GRID2: variants seen among roughly 807,000 people sequenced by gnomAD.
The protein encoded by GRID2 is glutamate ionotropic receptor delta type subunit 2.
In GRID2, 33 loss-of-function variants were observed where a neutral mutation model predicts 114.8. That is an observed-to-expected ratio of 0.29 (90% CI 0.22 to 0.38). The LOEUF (loss-of-function observed/expected upper bound fraction) is 0.38. Ranked by LOEUF, GRID2 falls within the 10% of genes least tolerant of loss-of-function variation. The probability of loss-of-function intolerance (pLI) is 1.00; values close to 1 mark genes in which losing one functional copy is unlikely to be tolerated. For missense variants in GRID2, 1,184 were observed against 1,257.7 expected, an observed-to-expected ratio of 0.94 and a Z score of 0.89; for synonymous variants, 505 against 449.9, an observed-to-expected ratio of 1.12 and a Z score of -1.55.
chr4:93,517,943 ACATACATG>A (rs1560705989), intron 13 of GRID2, among the ~76,000 whole-genome samples: 10 of 37,952 alleles, frequency 2.6e-4, no homozygotes, highest in East Asian at 1.7e-3. Context: ...GTATGTATAT[ACATACATG>A]TATATGTATG....
At chr4:92,639,163 T>C (rs911837329) in intron 2 of GRID2, among the ~76,000 whole-genome samples, 6 of 151,736 alleles carry the variant, frequency 4.0e-5, no homozygotes, top group African/African-American at 1.4e-4. Context: ...TTATTTGTTA[T>C]ACTTTAAAAG....
intron 2 of GRID2, among the ~76,000 whole-genome samples, chr4:92,645,016 G>A (rs561375216): frequency 6.6e-6 from 1 of 151,114 alleles, no homozygotes; most frequent in African/African-American, 2.4e-5. Context: ...AAATATTTTA[G>A]ATCTAGCTTC....
chr4:93,772,400 A>G lies in GRID2; in HGVS notation c.2926A>G (p.Arg976Gly). 6.2e-7 allele frequency: 1 copy of G among 1,613,886 alleles called. No homozygotes were observed. Among genetic ancestry groups the G allele is most frequent in the Non-Finnish European group, 8.5e-7 (1 of 1,179,838 alleles). The change falls in exon 16 of 16, where the codon AGG becomes GGG. Residue 976 changes from arginine (R) to glycine (G), a missense_variant. Transcript: ENST00000282020. The part of the protein sequence containing the change: ...RHRAPNGGFF[R>G]SPIKTMSSIP... ...CAGGGCACCTAATGGGGGCTTTTTCAGGAGTCCTATAAAAACAATGTCATC... is the reference window on the plus strand; with the variant it reads ...CAGGGCACCTAATGGGGGCTTTTTCGGGAGTCCTATAAAAACAATGTCATC...
At chr4:93,359,156 C>G (rs1761631673) in intron 8 of GRID2, among the ~76,000 whole-genome samples, 1 of 152,108 alleles carries the variant, frequency 6.6e-6, no homozygotes. Context: ...AAATGTGTCT[C>G]TGACATCCTT....
intron 2 of GRID2, among the ~76,000 whole-genome samples, chr4:92,658,880 A>G (rs1446116763): frequency 7.3e-6 from 1 of 136,410 alleles, no homozygotes; most frequent in Non-Finnish European, 1.6e-5. Flanking sequence ...ATGTGTATAT[A>G]TATATTTATG....
intron 2 of GRID2, among the ~76,000 whole-genome samples, chr4:92,891,368 C>A (rs867265378): frequency 2.0e-5 from 3 of 152,168 alleles, no homozygotes; most frequent in African/African-American, 2.4e-5. Flanking sequence ...ACTAAAGATA[C>A]AAAAGAAATA....
At chr4:92,680,197 G>GT (rs1010202178) in intron 2 of GRID2, among the ~76,000 whole-genome samples, 9 of 151,994 alleles carry the variant, frequency 5.9e-5, no homozygotes, top group Non-Finnish European at 8.8e-5. Flanking sequence ...TTTAGTGTAA[G>GT]TTTTTTTACC....
intron 1 of GRID2, among the ~76,000 whole-genome samples, chr4:92,471,907 TG>T (rs1343508583): frequency 6.7e-6 from 1 of 150,372 alleles, no homozygotes; most frequent in Admixed American, 6.7e-5. Context: ...CATACTTATT[TG>T]GGGATTTATC....
At chr4:92,946,075 C>G (rs904174439) in intron 2 of GRID2, among the ~76,000 whole-genome samples, 2 of 152,048 alleles carry the variant, frequency 1.3e-5, no homozygotes, top group African/African-American at 4.8e-5. Flanking sequence ...CCGTTTAGGT[C>G]TCATATGAGG....
At chr4:92,381,558 A>G (rs1484107133) in intron 1 of GRID2, among the ~76,000 whole-genome samples, 1 of 151,882 alleles carries the variant, frequency 6.6e-6, no homozygotes, top group Non-Finnish European at 1.5e-5. Flanking sequence ...GGACCCTACT[A>G]ATGTCACTTG....
chr4:92,467,617 C>G (rs1721820076), intron 1 of GRID2, among the ~76,000 whole-genome samples: 2 of 151,926 alleles, frequency 1.3e-5, no homozygotes, highest in African/African-American at 4.8e-5. Context: ...GTTTGTGCAT[C>G]TAGAACAGGG....
chr4:92,881,697 A>G (rs1746029220), intron 2 of GRID2, among the ~76,000 whole-genome samples: 2 of 152,290 alleles, frequency 1.3e-5, no homozygotes, highest in Admixed American at 6.5e-5. Context: ...GGTAGAAAAC[A>G]TTACTTTTTA....
chr4:93,684,640 C>T (rs966645553), intron 14 of GRID2, among the ~76,000 whole-genome samples: 5 of 151,938 alleles, frequency 3.3e-5, no homozygotes, highest in Admixed American at 6.6e-5. Context: ...TAAGAAACAT[C>T]GAGGGTACAG....
chr4:93,188,704 T>C (rs1740676723), intron 4 of GRID2, among the ~76,000 whole-genome samples: 1 of 152,218 alleles, frequency 6.6e-6, no homozygotes, highest in Non-Finnish European at 1.5e-5. Flanking sequence ...TTCTTTAATT[T>C]GTTTCTCTCT....
rs115360903 is a variant in GRID2 at position 93,142,778 on chromosome 4, C to G, written c.735+31825C>G. ...GGTTTCTAAACAACGACTGTGGTTG[C>G]CACATGTGTATCAAGAACTGTGAAG... On this transcript the variant is annotated intron_variant, in intron 4 of 15. Coordinates refer to ENST00000282020, the MANE Select transcript of GRID2 (RefSeq NM_001510.4). 7.9e-3 allele frequency among the ~76,000 whole-genome samples: 1,198 copies of G among 152,254 alleles called. 15 individuals carry two copies. Among genetic ancestry groups the G allele is most frequent in the African/African-American group, 0.027 (1,138 of 41,536 alleles).
chr4:92,909,283 T>C (rs1241721982), intron 2 of GRID2, among the ~76,000 whole-genome samples: 1 of 151,420 alleles, frequency 6.6e-6, no homozygotes, highest in African/African-American at 2.4e-5. Flanking sequence ...TTTCAAGAAA[T>C]GCTTTAGCAA....
At position 92,497,373 on chromosome 4, in the gene GRID2, G is replaced by A. The variant is rs868649778; in HGVS notation, c.89-92758G>A. Among the ~76,000 whole-genome samples, 9 of 151,794 alleles carry A rather than the reference G, an allele frequency of 5.9e-5. No individual in the cohort carries two copies. In the South Asian group the frequency reaches 1.2e-3, roughly 21 times the overall value. The stretch of plus-strand genomic sequence containing the variant: ...TGTGTATCCTATTTAGTTTATCCAG[G>A]TTGGAGAAATCTGAAAGAAGGTCTG... On this transcript the variant is annotated intron_variant, in intron 1 of 15. Coordinates refer to ENST00000282020, the MANE Select transcript of GRID2 (RefSeq NM_001510.4).
intron 1 of GRID2, among the ~76,000 whole-genome samples, chr4:92,538,886 C>CA (rs1458957647): frequency 1.3e-5 from 2 of 151,784 alleles, no homozygotes; most frequent in Non-Finnish European, 2.9e-5. Flanking sequence ...ACTAAAAATA[C>CA]AAAAAATTAT....
At chr4:93,117,190 G>C (rs190441426) in intron 4 of GRID2, among the ~76,000 whole-genome samples, 56 of 152,194 alleles carry the variant, frequency 3.7e-4, no homozygotes, top group Middle Eastern at 3.4e-3. Context: ...ATAGAAGATG[G>C]ATATGGTTAT....
Sources: allele counts gnomAD v4.1 joint callset (sites outside exome capture counted in the v4.1 genomes callset), GRCh38; gene constraint gnomAD v4.1.1; transcripts MANE v1.5; gene names NCBI Gene and HGNC (gene_info 2026-07-23, HGNC 2026-07-21).